Variants in CIRSR observed in about 807,000 individuals in gnomAD.
CIRSR encodes CBF1 (RBPJ) interacting corepressor 1.
chr2:174,370,220 C>A, the CIRSR span, among the ~76,000 whole-genome samples: 1 of 152,142 alleles, frequency 6.6e-6, no homozygotes, highest in Non-Finnish European at 1.5e-5. Flanking sequence ...TATTTATTTA[C>A]AAAAAGTTTC....
At chr2:174,351,631 AT>A in the CIRSR span, 1 of 1,613,246 alleles carries the variant, frequency 6.2e-7, no homozygotes, top group South Asian at 1.1e-5. Context: ...GTGATGGATC[AT>A]TTGCGGTCAA....
At chr2:174,351,967 T>C in the CIRSR span, 1 of 333,072 alleles carries the variant, frequency 3.0e-6, no homozygotes. Context: ...CTTTGTCATA[T>C]TGAAAAAGAT....
At chr2:174,385,592 A>T in the CIRSR span, among the ~76,000 whole-genome samples, 1 of 152,158 alleles carries the variant, frequency 6.6e-6, no homozygotes, top group African/African-American at 2.4e-5. Context: ...ATAAAAGACG[A>T]GTCTGACCAC....
chr2:174,387,672 C>G, the CIRSR span: 1 of 1,573,098 alleles, frequency 6.4e-7, no homozygotes, highest in Admixed American at 1.9e-5. Context: ...ACTGGCATAA[C>G]AGAATTTCTT....
At chr2:174,349,245 A>G in the CIRSR span, 1 of 847,736 alleles carries the variant, frequency 1.2e-6, no homozygotes, top group South Asian at 2.1e-5. Flanking sequence ...TTATGAACAA[A>G]CAATATATTT....
the CIRSR span, among the ~76,000 whole-genome samples, chr2:174,376,654 C>T: frequency 2.6e-5 from 4 of 151,702 alleles, no homozygotes; most frequent in Admixed American, 6.6e-5. Context: ...AAAAATTAGC[C>T]AGGCGTGGTG....
At chr2:174,372,009 T>C in the CIRSR span, among the ~76,000 whole-genome samples, 1 of 152,232 alleles carries the variant, frequency 6.6e-6, no homozygotes, top group Non-Finnish European at 1.5e-5. Context: ...AATTGGTCAG[T>C]TTATTTTTCA....
At chr2:174,356,590 A>AGG in the CIRSR span, among the ~76,000 whole-genome samples, 1 of 94,712 alleles carries the variant, frequency 1.1e-5, no homozygotes, top group Admixed American at 1.3e-4. Flanking sequence ...AAAGAAAGAA[A>AGG]GAGGGAGGGA....
chr2:174,395,539 C>A, the CIRSR span: 1 of 1,613,798 alleles, frequency 6.2e-7, no homozygotes, highest in African/African-American at 1.3e-5. Flanking sequence ...CTCCCCGGGT[C>A]TGTTTACTCA....
chr2:174,360,102 C>T, the CIRSR span, among the ~76,000 whole-genome samples: 3 of 152,174 alleles, frequency 2.0e-5, no homozygotes, highest in Admixed American at 6.5e-5. Context: ...GGAGAAATAC[C>T]TAATGTAAAT....
the CIRSR span, among the ~76,000 whole-genome samples, chr2:174,355,993 T>C: frequency 6.6e-6 from 1 of 152,118 alleles, no homozygotes; most frequent in African/African-American, 2.4e-5. Context: ...AGGATGGTCT[T>C]GATCTCCTGA....
At chr2:174,383,611 T>C in the CIRSR span, among the ~76,000 whole-genome samples, 1 of 151,070 alleles carries the variant, frequency 6.6e-6, no homozygotes, top group African/African-American at 2.4e-5. Flanking sequence ...TCCCAGCTAT[T>C]TGGGAGGCTG....
the CIRSR span, among the ~76,000 whole-genome samples, chr2:174,382,222 G>A: frequency 1.3e-5 from 2 of 152,138 alleles, no homozygotes; most frequent in Non-Finnish European, 2.9e-5. Context: ...AAAGGCAAAG[G>A]AATCAGTTTT....
At chr2:174,364,277 G>T in the CIRSR span, among the ~76,000 whole-genome samples, 1 of 152,194 alleles carries the variant, frequency 6.6e-6, no homozygotes, top group African/African-American at 2.4e-5. Context: ...GATACAAGAG[G>T]TGGGTTCCCA....
At chr2:174,371,463 T>C in the CIRSR span, among the ~76,000 whole-genome samples, 2 of 152,324 alleles carry the variant, frequency 1.3e-5, no homozygotes, top group South Asian at 2.1e-4. Context: ...TTTAATTGTA[T>C]TGTAGTATAA....
At chr2:174,391,000 C>T in the CIRSR span, among the ~76,000 whole-genome samples, 1 of 152,322 alleles carries the variant, frequency 6.6e-6, no homozygotes, top group Admixed American at 6.5e-5. Context: ...TGAGAACAGA[C>T]TAATACTAAT....
the CIRSR span, among the ~76,000 whole-genome samples, chr2:174,373,904 C>G: frequency 1.6e-4 from 25 of 152,174 alleles, no homozygotes; most frequent in Admixed American, 7.8e-4. Flanking sequence ...CACACACACT[C>G]TTCCATGGCA....
the CIRSR span, among the ~76,000 whole-genome samples, chr2:174,378,173 G>T: frequency 6.6e-6 from 1 of 151,902 alleles, no homozygotes; most frequent in African/African-American, 2.4e-5. Flanking sequence ...AAAAAAAAAA[G>T]GTTCTCTAGC....
chr2:174,374,751 T>C, the CIRSR span, among the ~76,000 whole-genome samples: 11 of 152,324 alleles, frequency 7.2e-5, no homozygotes, highest in Admixed American at 7.2e-4. Context: ...TCAGAACTGA[T>C]GGTTTCCTCT....
Sources: allele counts gnomAD v4.1 joint callset (sites outside exome capture counted in the v4.1 genomes callset), GRCh38; gene constraint gnomAD v4.1.1; transcripts MANE v1.5; gene names NCBI Gene and HGNC (gene_info 2026-07-23, HGNC 2026-07-21).